Variants in ADGRL3 observed in about 807,000 individuals in gnomAD.
The protein encoded by ADGRL3 is calcium-independent alpha-latrotoxin receptor 3.
ADGRL3 carries 62 observed loss-of-function variants against 153.5 expected under a neutral mutation model. That is an observed-to-expected ratio of 0.40 (90% confidence interval 0.33 to 0.50). The LOEUF (loss-of-function observed/expected upper bound fraction) is 0.50. ADGRL3 is among the 20% of genes least tolerant of loss of function. The probability of loss-of-function intolerance (pLI) is 0.47; values close to 1 mark genes in which losing one functional copy is unlikely to be tolerated. For missense variants in ADGRL3, 1,641 were observed against 1,859.4 expected, an observed-to-expected ratio of 0.88 and a Z score of 2.16; for synonymous variants, 710 against 672.5, an observed-to-expected ratio of 1.06 and a Z score of -0.86.
At chr4:61,462,825 T>C (rs2097840100) in intron 2 of ADGRL3, among the ~76,000 whole-genome samples, 1 of 152,150 alleles carries the variant, frequency 6.6e-6, no homozygotes. Context: ...ATACAGTACC[T>C]GATTCTTGGC....
At chr4:61,681,539 A>T (rs1305756760) in intron 6 of ADGRL3, among the ~76,000 whole-genome samples, 1 of 152,116 alleles carries the variant, frequency 6.6e-6, no homozygotes, top group Admixed American at 6.6e-5. Context: ...TATAGCACTT[A>T]AGACTTTCTC....
intron 2 of ADGRL3, among the ~76,000 whole-genome samples, chr4:61,422,114 A>G (rs1015411079): frequency 2.6e-5 from 4 of 152,180 alleles, no homozygotes; most frequent in Non-Finnish European, 4.4e-5. Flanking sequence ...ACAAAGTGAG[A>G]GACTGCTTTG....
intron 13 of ADGRL3, among the ~76,000 whole-genome samples, chr4:61,932,715 T>C (rs1398683058): frequency 1.3e-5 from 2 of 152,146 alleles, no homozygotes; most frequent in African/African-American, 2.4e-5. Context: ...CCTCCTCTTA[T>C]ATTCTTTTGG....
At chr4:61,619,413 G>T (rs2092328632) in intron 5 of ADGRL3, among the ~76,000 whole-genome samples, 1 of 151,892 alleles carries the variant, frequency 6.6e-6, no homozygotes, top group Non-Finnish European at 1.5e-5. Context: ...AGGAGATATT[G>T]ATATTATTTT....
At chr4:61,564,833 G>A (rs1311061183) in intron 4 of ADGRL3, among the ~76,000 whole-genome samples, 1 of 152,110 alleles carries the variant, frequency 6.6e-6, no homozygotes, top group Non-Finnish European at 1.5e-5. Context: ...TTGTCTCTGG[G>A]AATAGGGAGG....
At chr4:61,984,044 C>A (rs2099077377) in intron 19 of ADGRL3, among the ~76,000 whole-genome samples, 1 of 152,088 alleles carries the variant, frequency 6.6e-6, no homozygotes, top group African/African-American at 2.4e-5. Flanking sequence ...CAGGGACAGC[C>A]TGTGTTTTTC....
intron 9 of ADGRL3, among the ~76,000 whole-genome samples, chr4:61,875,382 G>A (rs1181588882): frequency 6.6e-6 from 1 of 152,134 alleles, no homozygotes; most frequent in Admixed American, 6.5e-5. Flanking sequence ...GGTAATGTGA[G>A]TCACATAACA....
Position 61,239,042 on chromosome 4 carries a change from G to A in ADGRL3, c.-240+37277G>A, listed in dbSNP as rs536852091. On this transcript the variant is annotated intron_variant, in intron 1 of 26. Coordinates refer to ENST00000683033, the MANE Select transcript of ADGRL3 (RefSeq NM_001387552.1). ...TCTCCAGAAAGACATTTGTGTCTCTGGTCTAGCCCTTCTTCATAGTTACTC... is the reference window on the plus strand; with the variant it reads ...TCTCCAGAAAGACATTTGTGTCTCTAGTCTAGCCCTTCTTCATAGTTACTC... Among the ~76,000 whole-genome samples, 14 of 152,126 alleles carry A rather than the reference G, an allele frequency of 9.2e-5. No homozygotes were observed. The South Asian group carries it at 2.7e-3, about 29-fold the overall frequency.
intron 13 of ADGRL3, among the ~76,000 whole-genome samples, chr4:61,913,032 AT>A: frequency 6.6e-6 from 1 of 151,970 alleles, no homozygotes; most frequent in South Asian, 2.1e-4. Flanking sequence ...TAAAATCCCT[AT>A]TTTTTTCATA....
chr4:61,868,731 G>A lies in ADGRL3; in HGVS notation c.1481-23925G>A, dbSNP rs930121219. ...CAACAGAAGCTTTAATATCTAATTT[G>A]GTAGACAATTAAAGTCCTTGGCAAG... On this transcript the variant is annotated intron_variant, in intron 9 of 26. Transcript: ENST00000683033. Among the ~76,000 whole-genome samples the A allele has an allele frequency of 7.2e-5, 11 of 151,942 alleles. No homozygotes were observed. In the South Asian group the frequency reaches 2.3e-3, roughly 31 times the overall value.
intron 8 of ADGRL3, among the ~76,000 whole-genome samples, chr4:61,767,599 T>C (rs1034786694): frequency 6.6e-6 from 1 of 152,084 alleles, no homozygotes; most frequent in Admixed American, 6.5e-5. Flanking sequence ...TCAGAGAGCC[T>C]TGGGCCAGAG....
chr4:62,058,079 C>T (rs11736888), intron 25 of ADGRL3, among the ~76,000 whole-genome samples: 29,485 of 152,080 alleles, frequency 0.19, 3,109 homozygotes, highest in Middle Eastern at 0.32. Flanking sequence ...ATGACCAGAC[C>T]GTAGCCAGGA....
chr4:61,914,900 A>G (rs1157790717), intron 13 of ADGRL3, among the ~76,000 whole-genome samples: 2 of 152,070 alleles, frequency 1.3e-5, no homozygotes, highest in African/African-American at 4.8e-5. Context: ...TTGGAGTCAC[A>G]TGTCCTGAGT....
intron 8 of ADGRL3, among the ~76,000 whole-genome samples, chr4:61,771,618 T>C (rs958330967): frequency 6.6e-6 from 1 of 152,124 alleles, no homozygotes; most frequent in African/African-American, 2.4e-5. Context: ...CAAGAACTCA[T>C]TGTGTTGCCT....
intron 9 of ADGRL3, among the ~76,000 whole-genome samples, chr4:61,887,626 C>T (rs188041228): frequency 1.3e-5 from 2 of 152,094 alleles, no homozygotes; most frequent in African/African-American, 4.8e-5. Flanking sequence ...GAGGGCAGAT[C>T]GCAAGGTCAA....
intron 2 of ADGRL3, among the ~76,000 whole-genome samples, chr4:61,402,330 T>G (rs2096939268): frequency 6.6e-6 from 1 of 152,144 alleles, no homozygotes; most frequent in African/African-American, 2.4e-5. Flanking sequence ...AAAAATTTTT[T>G]TAAAAATTAT....
rs1399006142 is a variant in ADGRL3, at chr4:62,075,845, T to G, written c.*4937T>G. On this transcript the variant is annotated 3_prime_UTR_variant, in exon 27 of 27. Transcript: ENST00000683033. Reference sequence around the variant, plus strand: ...CTTTGCAATCAGCAAATATGTTCTTTATAACATCTTAAAAATATTAAACAA... The same window carrying G: ...CTTTGCAATCAGCAAATATGTTCTTGATAACATCTTAAAAATATTAAACAA... The G allele has an allele frequency of 1.3e-5, 2 of 152,326 alleles. No individual in the cohort carries two copies. The highest frequency in any genetic ancestry group is 6.5e-5 in the Admixed American group (1 of 15,288). The allele number at this position is 152,326 out of a possible 1,614,324, so 9.4% of individuals were successfully genotyped here. A position where few individuals can be genotyped will look rare whatever the true frequency, so the allele number is the denominator to read the frequency against.
intron 1 of ADGRL3, among the ~76,000 whole-genome samples, chr4:61,286,305 C>CTT (rs1215849315): frequency 1.4e-4 from 20 of 138,336 alleles, no homozygotes; most frequent in Admixed American, 9.5e-4. Flanking sequence ...TGAAGGTTTT[C>CTT]TTTTTTTTTT....
At chr4:61,641,718 G>A (rs889765385) in intron 5 of ADGRL3, among the ~76,000 whole-genome samples, 3 of 151,736 alleles carry the variant, frequency 2.0e-5, no homozygotes, top group Non-Finnish European at 4.4e-5. Context: ...CCAAGTCTTT[G>A]CTATTGTGAA....
Sources: gnomAD v4.1 joint callset for allele counts (sites outside exome capture counted in the v4.1 genomes callset) on GRCh38, gnomAD v4.1.1 for gene constraint, MANE v1.5 for transcripts, NCBI Gene and HGNC (gene_info 2026-07-23, HGNC 2026-07-21) for gene names.